The following EIF4G3 variants were observed in gnomAD, a reference collection of about 807,000 sequenced individuals.
The protein encoded by EIF4G3 is eukaryotic translation initiation factor 4 gamma 3.
EIF4G3 carries 34 observed loss-of-function variants against 186.4 expected under a neutral mutation model. The observed-to-expected ratio is 0.18, with a 90% CI of 0.14 to 0.24. EIF4G3 has a LOEUF of 0.24. Among genes scored for constraint, EIF4G3 ranks in the 10% least tolerant of loss-of-function variants. EIF4G3 has a pLI of 1.00. For synonymous variants in EIF4G3, 673 were observed against 679.5 expected, an observed-to-expected ratio of 0.99 and a Z score of 0.15; for missense variants, 1,536 against 1,948.5, an observed-to-expected ratio of 0.79 and a Z score of 3.99.
intron 4 of EIF4G3, among the ~76,000 whole-genome samples, chr1:21,035,707 G>A (rs987487009): frequency 1.3e-5 from 2 of 152,234 alleles, no homozygotes; most frequent in Admixed American, 6.5e-5. Flanking sequence ...GGCATCCCTT[G>A]GCACAAGTAA....
rs1410063555 is a variant in EIF4G3 at position 20,814,831 on chromosome 1, G to A, written c.4516-1592C>T. 6.7e-3 allele frequency among the ~76,000 whole-genome samples: 707 copies of A among 105,394 alleles called. 6 individuals are homozygous for A. Among genetic ancestry groups the A allele is most frequent in the Non-Finnish European group, 0.01 (560 of 53,832 alleles). 69.1% of individuals were successfully genotyped at this position (105,394 alleles called of 152,430 possible). On this transcript the variant is annotated intron_variant, in intron 34 of 36. Coordinates refer to ENST00000602326, the MANE Select transcript of EIF4G3 (RefSeq NM_001391906.1). Reference sequence around the variant, plus strand: ...CCTTCCACGGTCTCCCTCTGATGCCGAGCCAAAGCTGGACGGTACTGCTGC... The same window carrying A: ...CCTTCCACGGTCTCCCTCTGATGCCAAGCCAAAGCTGGACGGTACTGCTGC...
At chr1:20,880,605 G>A (rs1461168718) in intron 19 of EIF4G3, among the ~76,000 whole-genome samples, 2 of 152,138 alleles carry the variant, frequency 1.3e-5, no homozygotes, top group Non-Finnish European at 2.9e-5. Context: ...AGAAAAATTA[G>A]CTGGGTGTGG....
At chr1:21,063,712 G>A (rs1163750255) in intron 3 of EIF4G3, among the ~76,000 whole-genome samples, 5 of 19,078 alleles carry the variant, frequency 2.6e-4, no homozygotes, top group East Asian at 3.0e-3. Flanking sequence ...TTTTGGGGGG[G>A]GGGGTGTTGG....
At chr1:20,876,894 T>C (rs2081050992) in intron 20 of EIF4G3, among the ~76,000 whole-genome samples, 1 of 152,084 alleles carries the variant, frequency 6.6e-6, no homozygotes, top group African/African-American at 2.4e-5. Flanking sequence ...GGAGGAGGAC[T>C]GCTTGAGCCC....
At chr1:21,083,089 T>C (rs2095846661) in intron 3 of EIF4G3, among the ~76,000 whole-genome samples, 1 of 137,284 alleles carries the variant, frequency 7.3e-6, no homozygotes, top group African/African-American at 2.9e-5. Context: ...AAAAATTAGC[T>C]GGGCACGGTG....
intron 2 of EIF4G3, among the ~76,000 whole-genome samples, chr1:21,139,634 A>C (rs1443220646): frequency 1.3e-5 from 2 of 152,220 alleles, no homozygotes; most frequent in Admixed American, 6.5e-5. Context: ...AATTCTCTTA[A>C]GCTAGGGGTC....
At chr1:21,049,585 G>A (rs2094098399) in intron 4 of EIF4G3, among the ~76,000 whole-genome samples, 1 of 152,068 alleles carries the variant, frequency 6.6e-6, no homozygotes, top group African/African-American at 2.4e-5. Flanking sequence ...TCATTAATAG[G>A]GCTATTTCAG....
chr1:21,169,720 A>G (rs1041245702), intron 2 of EIF4G3: 1 of 152,182 alleles, frequency 6.6e-6, no homozygotes, highest in Non-Finnish European at 1.5e-5. Context: ...ATGCTATTCC[A>G]TCTGAAAGGA....
At chr1:20,882,316 A>G (rs976422844) in intron 19 of EIF4G3, among the ~76,000 whole-genome samples, 1 of 151,814 alleles carries the variant, frequency 6.6e-6, no homozygotes, top group Admixed American at 6.6e-5. Context: ...TTTGGGCAAC[A>G]CTGCCTCTAA....
intron 2 of EIF4G3, among the ~76,000 whole-genome samples, chr1:21,153,357 G>GTT (rs1352357936): frequency 6.6e-6 from 1 of 152,186 alleles, no homozygotes; most frequent in Non-Finnish European, 1.5e-5. Flanking sequence ...AGCTACCACA[G>GTT]TAACATTTAT....
intron 7 of EIF4G3, among the ~76,000 whole-genome samples, chr1:20,987,526 A>G (rs1024627142): frequency 6.6e-6 from 1 of 152,182 alleles, no homozygotes; most frequent in African/African-American, 2.4e-5. Flanking sequence ...TAATTCTCCC[A>G]ATATTTCAAT....
intron 6 of EIF4G3, among the ~76,000 whole-genome samples, chr1:21,000,730 T>C (rs1004985516): frequency 6.6e-6 from 1 of 152,048 alleles, no homozygotes; most frequent in Non-Finnish European, 1.5e-5. Flanking sequence ...GAATGTTATG[T>C]GTGTGATTTT....
chr1:21,153,148 T>C lies in EIF4G3; in HGVS notation c.-272+23027A>G, dbSNP rs928074737. On this transcript the variant is annotated intron_variant, in intron 2 of 36. Transcript: ENST00000602326. The stretch of plus-strand genomic sequence containing the variant: ...CTTCCCACAGTTCTCCTGAAGTGTA[T>C]AGCAGACACTGATGTGTGCTGCCCC... 6.6e-5 allele frequency among the ~76,000 whole-genome samples: 10 copies of C among 152,230 alleles called. 1 individual carries two copies. The highest frequency in any genetic ancestry group is 1.9e-4 in the African/African-American group (8 of 41,460).
intron 2 of EIF4G3, among the ~76,000 whole-genome samples, chr1:21,155,753 T>C (rs1398755258): frequency 6.6e-6 from 1 of 152,118 alleles, no homozygotes; most frequent in African/African-American, 2.4e-5. Context: ...TATATGATTA[T>C]AGAAAATAAG....
intron 3 of EIF4G3, among the ~76,000 whole-genome samples, chr1:21,076,341 C>T (rs1367192484): frequency 6.6e-6 from 1 of 151,828 alleles, no homozygotes; most frequent in Non-Finnish European, 1.5e-5. Context: ...TGGGACACAG[C>T]AAAAGCAGTA....
rs188753538 is a variant in EIF4G3, at chr1:21,126,430, C to T, written c.-271-37217G>A. On this transcript the variant is annotated intron_variant, in intron 2 of 36. Coordinates refer to ENST00000602326, the MANE Select transcript of EIF4G3 (RefSeq NM_001391906.1). ...AAACATTCCCATTACTTTGGGAGGCCGAGGTAGGTTGCTTGAGGCCAGTAG... is the reference window on the plus strand; with the variant it reads ...AAACATTCCCATTACTTTGGGAGGCTGAGGTAGGTTGCTTGAGGCCAGTAG... 1.8e-4 allele frequency among the ~76,000 whole-genome samples: 28 copies of T among 151,640 alleles called. No individual in the cohort carries two copies. The East Asian group carries it at 4.3e-3, about 23-fold the overall frequency.
intron 3 of EIF4G3, among the ~76,000 whole-genome samples, chr1:21,058,185 CT>C (rs1454461416): frequency 1.3e-5 from 2 of 152,046 alleles, no homozygotes; most frequent in Admixed American, 6.6e-5. Context: ...GAAATACCCC[CT>C]GGAGGAAACA....
intron 14 of EIF4G3, among the ~76,000 whole-genome samples, chr1:20,910,865 A>G (rs896945749): frequency 2.6e-5 from 4 of 152,232 alleles, no homozygotes; most frequent in African/African-American, 9.7e-5. Context: ...ATATTTATGT[A>G]AAAACTGGAA....
intron 3 of EIF4G3, among the ~76,000 whole-genome samples, chr1:21,083,752 AC>A (rs1483640242): frequency 2.0e-5 from 3 of 152,232 alleles, no homozygotes; most frequent in African/African-American, 4.8e-5. Context: ...AAACTGCATG[AC>A]AGGCAGTGTG....
Sources: gnomAD v4.1 joint callset for allele counts (sites outside exome capture counted in the v4.1 genomes callset) on GRCh38, gnomAD v4.1.1 for gene constraint, MANE v1.5 for transcripts, NCBI Gene and HGNC (gene_info 2026-07-23, HGNC 2026-07-21) for gene names.